The following BUD13 variants were observed in gnomAD, a reference collection of about 807,000 sequenced individuals.
BUD13 encodes BUD13 homolog.
Under a neutral mutation model 62.5 loss-of-function variants are expected in BUD13, and 47 were observed. The observed-to-expected ratio is 0.75, with a 90% confidence interval of 0.60 to 0.96. The LOEUF (loss-of-function observed/expected upper bound fraction) is 0.96. Among genes scored for constraint, BUD13 ranks in the 40% least tolerant of loss-of-function variants. BUD13 has a pLI of 0.00. For synonymous variants in BUD13, 293 were observed against 280.1 expected, an observed-to-expected ratio of 1.05 and a Z score of -0.46; for missense variants, 821 against 790.9, an observed-to-expected ratio of 1.04 and a Z score of -0.46.
chr11:116,763,479 C>A (rs1323976865), intron 3 of BUD13, among the ~76,000 whole-genome samples: 1 of 152,142 alleles, frequency 6.6e-6, no homozygotes, highest in African/African-American at 2.4e-5. Context: ...CATAAATTTG[C>A]AAAGCATTTT....
In BUD13 at chr11:116,748,476, G is replaced by A. The variant is rs1405717745; in HGVS notation, c.*6C>T. The A allele has an allele frequency of 1.9e-6, 3 of 1,614,072 alleles. No individual in the cohort carries two copies. Among genetic ancestry groups the A allele is most frequent in the East Asian group, 4.5e-5 (2 of 44,876 alleles). On this transcript the variant is annotated 3_prime_UTR_variant, in exon 10 of 10. Coordinates refer to ENST00000260210, the MANE Select transcript of BUD13 (RefSeq NM_032725.4). ...CAGCCCAGCCACCCCCACAGCCTCA[G>A]GAAAGTTACATATCCTCAACACTCC...
In BUD13 at chr11:116,756,286, C is replaced by T. The variant is rs923759040; in HGVS notation, c.1766+860G>A. On this transcript the variant is annotated intron_variant, in intron 9 of 9. Transcript: ENST00000260210. ...CAGCACTTTGGGAGGCTGAAGTGGG[C>T]GGGTCACCTGAGGTCAGGAGTTTGA... Among the ~76,000 whole-genome samples, 5 of 151,714 alleles carry T rather than the reference C, an allele frequency of 3.3e-5. No homozygotes were observed. In the East Asian group the frequency reaches 5.8e-4, roughly 18 times the overall value.
At chr11:116,766,347 G>A (rs1195714986) in intron 2 of BUD13, among the ~76,000 whole-genome samples, 1 of 152,184 alleles carries the variant, frequency 6.6e-6, no homozygotes, top group Non-Finnish European at 1.5e-5. Flanking sequence ...CTGATTCGGA[G>A]AAGTTCAGTA....
At chr11:116,750,160 G>A (rs1012642093) in intron 9 of BUD13, among the ~76,000 whole-genome samples, 1 of 152,182 alleles carries the variant, frequency 6.6e-6, no homozygotes, top group Admixed American at 6.5e-5. Flanking sequence ...CACATAGAGT[G>A]AGAACAGCTA....
chr11:116,771,756 A>G (rs1940631881), intron 1 of BUD13, among the ~76,000 whole-genome samples: 1 of 152,252 alleles, frequency 6.6e-6, no homozygotes, highest in Admixed American at 6.5e-5. Context: ...AAACCAGAAA[A>G]GAACTTGGAC....
chr11:116,766,432 C>G (rs1940530560), intron 2 of BUD13, among the ~76,000 whole-genome samples: 1 of 152,192 alleles, frequency 6.6e-6, no homozygotes, highest in South Asian at 2.1e-4. Context: ...CTCTACTTCT[C>G]CCAAAATCCT....
intron 7 of BUD13, 80 bp downstream of exon 7, chr11:116,758,189 A>G (rs1340913716): frequency 1.3e-6 from 2 of 1,572,608 alleles, no homozygotes; most frequent in African/African-American, 2.7e-5. Context: ...GCATAATAAG[A>G]AAGTGAGTGA....
chr11:116,753,120 T>C (rs1210131805), intron 9 of BUD13, among the ~76,000 whole-genome samples: 2 of 152,140 alleles, frequency 1.3e-5, no homozygotes, highest in Non-Finnish European at 2.9e-5. Flanking sequence ...AAAGTAAGTA[T>C]GAACTGGATG....
Position 116,748,593 on chromosome 11 carries a change from A to C in BUD13, c.1767-18T>G, listed in dbSNP as rs760544353. ...CATTGGATCTGCAATCAAAAGAGAC[A>C]TACTATTCAGCTAGAACCCTGAAAG... On this transcript the variant is annotated intron_variant, in intron 9 of 9. Transcript: ENST00000260210. The C allele has an allele frequency of 1.2e-6, 2 of 1,612,562 alleles. No homozygotes were observed. The highest frequency in any genetic ancestry group is 2.7e-5 in the African/African-American group (2 of 74,926).
chr11:116,757,050 G>C, intron 9 of BUD13, 96 bp downstream of exon 9: 1 of 1,199,090 alleles, frequency 8.3e-7, no homozygotes, highest in Non-Finnish European at 1.2e-6. Flanking sequence ...TTCACCTTGT[G>C]ATTAAAGCAG....
chr11:116,772,836 C>A lies in BUD13; in HGVS notation c.129G>T (p.Gly43=). ...TACCAACTCACCCCTTGCCGCCGGC[C>A]CCGCCAGGCTTCGGCCGCTTTTTGC... ...KRRKKRPKPG[G]AGGKGMRIVD... The change falls in exon 1 of 10, where the codon GGG becomes GGT. Residue 43 remains glycine (G), a synonymous_variant. Transcript: ENST00000260210. The A allele has an allele frequency of 6.3e-7, 1 of 1,580,642 alleles. No individual in the cohort carries two copies. The highest frequency in any genetic ancestry group is 1.1e-5 in the South Asian group (1 of 87,682).
At chr11:116,754,697 G>A (rs2134172931) in intron 9 of BUD13, among the ~76,000 whole-genome samples, 1 of 152,270 alleles carries the variant, frequency 6.6e-6, no homozygotes, top group South Asian at 2.1e-4. Context: ...AAAGATGTCT[G>A]CTCTCACTAC....
intron 9 of BUD13, among the ~76,000 whole-genome samples, chr11:116,752,069 G>A (rs887850533): frequency 6.6e-6 from 1 of 152,014 alleles, no homozygotes; most frequent in Non-Finnish European, 1.5e-5. Context: ...TCAGCCTTCC[G>A]AGCAGCTGGG....
Position 116,760,891 on chromosome 11 carries a change from C to T in BUD13, c.1098G>A (p.Gly366=). Residue 366 remains glycine (G), a synonymous_variant, in exon 5 of 10, where the codon GGG becomes GGA. Coordinates refer to ENST00000260210, the MANE Select transcript of BUD13 (RefSeq NM_032725.4). ...ACAGATCTGAATCAGAATCCTGGTGCCCTGGACTTTGTTTATGCCGTGGAG... is the reference window on the plus strand; with the variant it reads ...ACAGATCTGAATCAGAATCCTGGTGTCCTGGACTTTGTTTATGCCGTGGAG... ...LSSPRHKQSP[G]HQDSDSDLSP... 4 of 1,613,984 alleles carry T rather than the reference C, an allele frequency of 2.5e-6. No individual in the cohort carries two copies. The highest frequency in any genetic ancestry group is 3.4e-6 in the Non-Finnish European group (4 of 1,179,976).
At position 116,762,621 on chromosome 11, in the gene BUD13, T is replaced by C; in HGVS notation, c.968A>G (p.Asp323Gly). 1 of 1,614,054 alleles carries C rather than the reference T, an allele frequency of 6.2e-7. No homozygotes were observed. The highest frequency in any genetic ancestry group is 8.5e-7 in the Non-Finnish European group (1 of 1,180,020). The change falls in exon 4 of 10, where the codon GAC (aspartate) becomes GGC (glycine). Residue 323 changes from aspartate (D) to glycine (G), a missense_variant. Physicochemically the swap from Asp to Gly is moderately conservative, Grantham distance 94. Transcript: ENST00000260210. ...TTGCTTTTTTCGTGGAGGAGAGATG[T>C]CAGGGTCATACTCATATTTGCTGTT... ...PKNSKYEYDP[D>G]ISPPRKKQAK...
rs1318239176 is a variant in BUD13 at position 116,758,340 on chromosome 11, T to G, written c.1428A>C (p.Glu476Asp). 6.2e-7 allele frequency: 1 copy of G among 1,614,084 alleles called. No individual in the cohort carries two copies. The highest frequency in any genetic ancestry group is 1.3e-5 in the African/African-American group (1 of 74,928). The change falls in exon 7 of 10, where the codon GAA becomes GAC. Residue 476 changes from glutamate (E) to aspartate (D), a missense_variant. Glu to Asp is a conservative substitution (Grantham distance 45, BLOSUM62 2). Coordinates refer to ENST00000260210, the MANE Select transcript of BUD13 (RefSeq NM_032725.4). ...KSGRKRNLKL[E>D]RLEQRRKAEK... The stretch of plus-strand genomic sequence containing the variant: ...CTGCTTTCCTCCTTTGCTCTAAACG[T>G]TCGAGTTTCAAATTCCTCTTACGAC...
chr11:116,753,987 G>T (rs180326), intron 9 of BUD13, among the ~76,000 whole-genome samples: 87,177 of 152,136 alleles, frequency 0.57, 25,828 homozygotes, highest in East Asian at 0.77. Context: ...CAAGTGCAAA[G>T]GAAACATTCA....
intron 1 of BUD13, among the ~76,000 whole-genome samples, chr11:116,770,571 T>G (rs1158264803): frequency 4.0e-5 from 6 of 151,728 alleles, no homozygotes; most frequent in Non-Finnish European, 8.8e-5. Context: ...CTCAGCTCAC[T>G]GCAAGCTCTG....
At chr11:116,763,436 A>G (rs576963149) in intron 3 of BUD13, among the ~76,000 whole-genome samples, 170 bp from the exon 4 acceptor site, 1 of 152,276 alleles carries the variant, frequency 6.6e-6, no homozygotes, top group East Asian at 1.9e-4. Flanking sequence ...CCACTCATGA[A>G]TATCTTAAGA....
Sources: gnomAD v4.1 joint callset for allele counts (sites outside exome capture counted in the v4.1 genomes callset) on GRCh38, gnomAD v4.1.1 for gene constraint, MANE v1.5 for transcripts, NCBI Gene and HGNC (gene_info 2026-07-23, HGNC 2026-07-21) for gene names.